The following PAG1 variants were observed in gnomAD, a reference collection of about 807,000 sequenced individuals.
PAG1 encodes phosphoprotein associated with glycosphingolipid-enriched microdomains 1.
Under a neutral mutation model 31.7 loss-of-function variants are expected in PAG1, and 23 were observed. That is an observed-to-expected ratio of 0.73 (90% CI 0.52 to 1.03). The LOEUF (loss-of-function observed/expected upper bound fraction) is 1.03, where lower values mean the gene tolerates loss of function less well. Among genes scored for constraint, PAG1 ranks in the 50% least tolerant of loss-of-function variants. The pLI, the probability that PAG1 is intolerant of heterozygous loss-of-function variation, is 0.00. For missense variants in PAG1, 473 were observed against 540.7 expected (o/e 0.87, Z 1.24); for synonymous variants, 214 against 210.3 (o/e 1.02, Z -0.15).
chr8:81,053,754 T>C (rs751163593), intron 2 of PAG1, among the ~76,000 whole-genome samples: 30 of 152,268 alleles, frequency 2.0e-4, no homozygotes, highest in Admixed American at 3.3e-4. Context: ...AAATGGACAT[T>C]TGAAGAAATC....
intron 1 of PAG1, among the ~76,000 whole-genome samples, chr8:81,090,751 C>A (rs923287712): frequency 6.6e-6 from 1 of 152,200 alleles, no homozygotes; most frequent in African/African-American, 2.4e-5. Context: ...ACGTGAGGAA[C>A]TCTGAGTTAT....
intron 2 of PAG1, among the ~76,000 whole-genome samples, chr8:81,045,352 G>T (rs1012425538): frequency 6.6e-6 from 1 of 152,130 alleles, no homozygotes; most frequent in African/African-American, 2.4e-5. Context: ...TTAGAAACTA[G>T]ATTTTGCCAT....
At position 81,111,855 on chromosome 8, in the gene PAG1, G is replaced by GC. The variant is rs564181978; in HGVS notation, c.-499dup. On this transcript the variant is annotated 5_prime_UTR_variant, in exon 1 of 9. Transcript: ENST00000220597. Reference sequence around the variant, plus strand: ...GACCCGAGCGCTGCAGCTGCCTCCAGCCCCGGAGCGCGGCGCTCCGAGCCC... The same window carrying GC: ...GACCCGAGCGCTGCAGCTGCCTCCAGCCCCCGGAGCGCGGCGCTCCGAGCCC... 6.6e-6 allele frequency: 1 copy of GC among 152,388 alleles called. No homozygotes were observed. Among genetic ancestry groups the GC allele is most frequent in the Admixed American group, 6.5e-5 (1 of 15,310 alleles). 9.4% of individuals were successfully genotyped at this position (152,388 alleles called of 1,614,324 possible). A position where few individuals can be genotyped will look rare whatever the true frequency, so the allele number is the denominator to read the frequency against.
Position 81,099,841 on chromosome 8 carries a change from G to C in PAG1, c.-234+11750C>G, listed in dbSNP as rs143505706. 4.9e-3 allele frequency among the ~76,000 whole-genome samples: 748 copies of C among 152,306 alleles called. 10 individuals carry two copies. Among genetic ancestry groups the C allele is most frequent in the Non-Finnish European group, 5.4e-3 (365 of 68,028 alleles). On this transcript the variant is annotated intron_variant, in intron 1 of 8. Coordinates refer to ENST00000220597, the MANE Select transcript of PAG1 (RefSeq NM_018440.4). The stretch of plus-strand genomic sequence containing the variant: ...TTACTAAAAATCAGTGAATTGTTCA[G>C]TTGAAATTGGAGACTTTTATGGCAT...
At chr8:81,101,282 ATAC>A (rs1411118478) in intron 1 of PAG1, among the ~76,000 whole-genome samples, 1 of 152,230 alleles carries the variant, frequency 6.6e-6, no homozygotes, top group Non-Finnish European at 1.5e-5. Flanking sequence ...TGAGCATTCC[ATAC>A]TAAAGGTCAA....
At position 80,987,024 on chromosome 8, in the gene PAG1, T is replaced by C. The variant is rs117765772; in HGVS notation, c.274+346A>G. 4.9e-3 allele frequency among the ~76,000 whole-genome samples: 739 copies of C among 152,326 alleles called. 4 individuals are homozygous for C. Among genetic ancestry groups the C allele is most frequent in the Middle Eastern group, 0.014 (4 of 294 alleles). Reference sequence around the variant, plus strand: ...TACAGCAGCAATGTGCCCAGTTTTGTCACCTTTAAATTGTGAGGAGTAATA... The same window carrying C: ...TACAGCAGCAATGTGCCCAGTTTTGCCACCTTTAAATTGTGAGGAGTAATA... On this transcript the variant is annotated intron_variant, in intron 6 of 8. Coordinates refer to ENST00000220597, the MANE Select transcript of PAG1 (RefSeq NM_018440.4).
At chr8:81,046,420 T>G (rs982412510) in intron 2 of PAG1, among the ~76,000 whole-genome samples, 1 of 152,188 alleles carries the variant, frequency 6.6e-6, no homozygotes, top group African/African-American at 2.4e-5. Context: ...AACTCCTCAA[T>G]GATAGGAAAG....
chr8:80,991,855 T>C (rs944867395), intron 4 of PAG1, among the ~76,000 whole-genome samples: 1 of 146,700 alleles, frequency 6.8e-6, no homozygotes, highest in South Asian at 2.1e-4. Context: ...GAGTAAGTTA[T>C]ACCTTTTTTT....
chr8:80,991,883 TGAA>T (rs1807557032), intron 4 of PAG1, among the ~76,000 whole-genome samples: 1 of 143,410 alleles, frequency 7.0e-6, no homozygotes, highest in Non-Finnish European at 1.5e-5. Context: ...TTTGAGAAAA[TGAA>T]GACAATTATC....
intron 1 of PAG1, among the ~76,000 whole-genome samples, chr8:81,082,264 A>G (rs1249548935): frequency 1.3e-5 from 2 of 151,314 alleles, no homozygotes; most frequent in African/African-American, 2.4e-5. Flanking sequence ...AAAAAAAAAA[A>G]AAAAAAAAAG....
At chr8:81,026,910 A>G (rs1230144338) in intron 3 of PAG1, among the ~76,000 whole-genome samples, 3 of 152,136 alleles carry the variant, frequency 2.0e-5, no homozygotes, top group African/African-American at 7.2e-5. Context: ...AGACCAAAAA[A>G]ATGTACCAAA....
chr8:81,045,200 T>C (rs1808621359), intron 2 of PAG1, among the ~76,000 whole-genome samples: 2 of 152,226 alleles, frequency 1.3e-5, no homozygotes, highest in Admixed American at 1.3e-4. Flanking sequence ...TCTCATGTAA[T>C]GAGGTAGAGT....
At chr8:81,057,047 A>C (rs958115758) in intron 2 of PAG1, among the ~76,000 whole-genome samples, 1 of 152,170 alleles carries the variant, frequency 6.6e-6, no homozygotes, top group South Asian at 2.1e-4. Context: ...TTAGAATGGC[A>C]ATCATTAAAA....
chr8:81,011,416 C>T (rs1374885049), intron 3 of PAG1, among the ~76,000 whole-genome samples: 1 of 152,156 alleles, frequency 6.6e-6, no homozygotes, highest in African/African-American at 2.4e-5. Flanking sequence ...CTCTTGCCTG[C>T]CGCCATGTAA....
At chr8:81,019,890 C>T (rs1453293441) in intron 3 of PAG1, among the ~76,000 whole-genome samples, 1 of 152,182 alleles carries the variant, frequency 6.6e-6, no homozygotes, top group Non-Finnish European at 1.5e-5. Context: ...TCAACACCAG[C>T]CTGTGAAAGC....
At chr8:80,986,854 T>G (rs1172589230) in intron 6 of PAG1, among the ~76,000 whole-genome samples, 1 of 151,904 alleles carries the variant, frequency 6.6e-6, no homozygotes, top group Non-Finnish European at 1.5e-5. Context: ...GAGAGGCCAA[T>G]GGATTCTCCT....
intron 1 of PAG1, among the ~76,000 whole-genome samples, chr8:81,086,034 T>G (rs1159425006): frequency 1.6e-5 from 2 of 122,202 alleles, no homozygotes; most frequent in Admixed American, 1.1e-4. Flanking sequence ...CAGGCTGGAG[T>G]GCAGTGGCGC....
At chr8:81,087,519 A>G (rs1809379303) in intron 1 of PAG1, among the ~76,000 whole-genome samples, 1 of 152,192 alleles carries the variant, frequency 6.6e-6, no homozygotes, top group Non-Finnish European at 1.5e-5. Context: ...GAATGATAAA[A>G]CCCAAATGTC....
chr8:80,980,386 G>T (rs748604179), intron 8 of PAG1, 49 bp downstream of exon 8: 4 of 974,610 alleles, frequency 4.1e-6, no homozygotes, highest in Middle Eastern at 2.1e-4. Flanking sequence ...AGGGGGGAAG[G>T]TCTATTCTTT....
Sources: allele counts gnomAD v4.1 joint callset (sites outside exome capture counted in the v4.1 genomes callset), GRCh38; gene constraint gnomAD v4.1.1; transcripts MANE v1.5; gene names NCBI Gene and HGNC (gene_info 2026-07-23, HGNC 2026-07-21).